Variants in NEDD4 observed in about 807,000 individuals in gnomAD.
NEDD4 encodes NEDD4 E3 ubiquitin protein ligase.
A neutral mutation model predicts 144.9 loss-of-function variants in NEDD4; 99 were observed. The observed-to-expected ratio is 0.68, with a 90% CI of 0.58 to 0.81. NEDD4 has a LOEUF of 0.81. NEDD4 is among the 30% of genes least tolerant of loss of function. NEDD4 has a pLI of 0.00. For synonymous variants in NEDD4, 318 were observed against 350.6 expected, an observed-to-expected ratio of 0.91 and a Z score of 1.04; for missense variants, 985 against 1,065.9, an observed-to-expected ratio of 0.92 and a Z score of 1.06.
intron 5 of NEDD4, among the ~76,000 whole-genome samples, chr15:55,880,343 G>A (rs1276812996): frequency 6.6e-6 from 1 of 152,006 alleles, no homozygotes; most frequent in Admixed American, 6.6e-5. Context: ...GTGCATGAAA[G>A]GGGAAAAAGA....
At chr15:55,980,068 A>G (rs4774838) in intron 1 of NEDD4, among the ~76,000 whole-genome samples, 20,516 of 151,906 alleles carry the variant, frequency 0.14, 1,524 homozygotes, top group East Asian at 0.32. Flanking sequence ...TCAGCCTCCC[A>G]AGTAGCTGGG....
chr15:55,947,935 T>C (rs1464196434), intron 4 of NEDD4, among the ~76,000 whole-genome samples: 1 of 152,134 alleles, frequency 6.6e-6, no homozygotes, highest in Non-Finnish European at 1.5e-5. Context: ...CAACATAGTG[T>C]TAGAAGTTCT....
At chr15:55,891,399 A>G (rs2035567991) in intron 5 of NEDD4, among the ~76,000 whole-genome samples, 2 of 152,234 alleles carry the variant, frequency 1.3e-5, no homozygotes, top group African/African-American at 4.8e-5. Flanking sequence ...TTTTCCATTT[A>G]CAAAGGAAAA....
chr15:55,933,323 A>G (rs1453009941), intron 4 of NEDD4, among the ~76,000 whole-genome samples: 1 of 152,134 alleles, frequency 6.6e-6, no homozygotes, highest in Non-Finnish European at 1.5e-5. Context: ...AATGTGGCAG[A>G]TATACACTGT....
At chr15:55,845,104 GA>G (rs2033685513) in intron 18 of NEDD4, among the ~76,000 whole-genome samples, 1 of 152,266 alleles carries the variant, frequency 6.6e-6, no homozygotes, top group African/African-American at 2.4e-5. Flanking sequence ...ACTAATGTGA[GA>G]ATTCATATTC....
chr15:55,951,607 AAAAAG>A lies in NEDD4; in HGVS notation c.120-23_120-19del, dbSNP rs1340960173. The A allele has an allele frequency of 8.2e-6, 12 of 1,458,244 alleles. No homozygotes were observed. Among genetic ancestry groups the A allele is most frequent in the Middle Eastern group, 2.4e-4 (1 of 4,224 alleles). 90.3% of individuals were successfully genotyped at this position (1,458,244 alleles called of 1,614,324 possible). ...AAGGATCACTGTTAAAAAAAAAAAA[AAAAAG>A]AAAGAAAAATTTTAATTATTGCTTA... On this transcript the variant is annotated intron_variant, in intron 2 of 28. Coordinates refer to ENST00000435532, the MANE Select transcript of NEDD4 (RefSeq NM_006154.4).
rs79970170 is a variant in NEDD4, at chr15:55,915,708, C to A, written c.291+8938G>T. 141 of 1,613,958 alleles carry A rather than the reference C, an allele frequency of 8.7e-5. 1 individual carries two copies. In the African/African-American group the frequency reaches 1.7e-3, roughly 20 times the overall value. On this transcript the variant is annotated intron_variant, in intron 5 of 28. Coordinates refer to ENST00000435532, the MANE Select transcript of NEDD4 (RefSeq NM_006154.4). ...TCGTTGGGTGAAATGCACTGAAACA[C>A]AAGAATATCCTTCAGATGACTTTTC...
At chr15:55,966,298 A>C (rs2037511610) in intron 2 of NEDD4, among the ~76,000 whole-genome samples, 175 bp downstream of exon 2, 1 of 152,214 alleles carries the variant, frequency 6.6e-6, no homozygotes, top group Non-Finnish European at 1.5e-5. Flanking sequence ...CTAATTTCAC[A>C]AATTTAGTAA....
At chr15:55,837,129 C>G (rs1273467451) in intron 24 of NEDD4, among the ~76,000 whole-genome samples, 3 of 151,998 alleles carry the variant, frequency 2.0e-5, no homozygotes, top group Non-Finnish European at 4.4e-5. Flanking sequence ...TAATAAATAT[C>G]TGATAAAAGA....
intron 16 of NEDD4, 30 bp downstream of exon 16, chr15:55,848,491 T>A: frequency 6.2e-7 from 1 of 1,612,980 alleles, no homozygotes; most frequent in Non-Finnish European, 8.5e-7. Context: ...TTACAAAAAA[T>A]AACATAATGA....
At chr15:55,939,037 T>A (rs1317635395) in intron 4 of NEDD4, among the ~76,000 whole-genome samples, 1 of 152,066 alleles carries the variant, frequency 6.6e-6, no homozygotes, top group Non-Finnish European at 1.5e-5. Context: ...GCCTAGAAGG[T>A]TGAGGCTGCA....
intron 7 of NEDD4, among the ~76,000 whole-genome samples, chr15:55,871,175 AAG>A (rs2034782153): frequency 6.6e-6 from 1 of 152,176 alleles, no homozygotes; most frequent in African/African-American, 2.4e-5. Flanking sequence ...CTCCATACTG[AAG>A]GAGATGTGAA....
At position 55,990,313 on chromosome 15, in the gene NEDD4, G is replaced by T. The variant is rs1394888975; in HGVS notation, c.45+3198C>A. Reference sequence around the variant, plus strand: ...ACCGGTCCCTGGTGCCAAAACAGTTGGGGACTGCAGTTCTAGAAGATCAGA... The same window carrying T: ...ACCGGTCCCTGGTGCCAAAACAGTTTGGGACTGCAGTTCTAGAAGATCAGA... On this transcript the variant is annotated intron_variant, in intron 1 of 28. Coordinates refer to ENST00000435532, the MANE Select transcript of NEDD4 (RefSeq NM_006154.4). 6.6e-5 allele frequency among the ~76,000 whole-genome samples: 10 copies of T among 152,106 alleles called. No homozygotes were observed. In the East Asian group the frequency reaches 1.9e-3, roughly 29 times the overall value.
rs917452260 is a variant in NEDD4 at position 55,886,290 on chromosome 15, T to C, written c.292-12282A>G. Among the ~76,000 whole-genome samples the C allele has an allele frequency of 2.6e-5, 4 of 152,240 alleles. 1 individual carries two copies. The highest frequency in any genetic ancestry group is 2.0e-4 in the Admixed American group (3 of 15,294). On this transcript the variant is annotated intron_variant, in intron 5 of 28. Coordinates refer to ENST00000435532, the MANE Select transcript of NEDD4 (RefSeq NM_006154.4). ...TCACACTTTCAGCATTGGACAGATATCCGGACAGAAAATCAACAAAGAAAC... is the reference window on the plus strand; with the variant it reads ...TCACACTTTCAGCATTGGACAGATACCCGGACAGAAAATCAACAAAGAAAC...
At chr15:55,959,940 G>C (rs1488907282) in intron 2 of NEDD4, among the ~76,000 whole-genome samples, 2 of 152,244 alleles carry the variant, frequency 1.3e-5, no homozygotes, top group African/African-American at 2.4e-5. Context: ...CATAATGAAT[G>C]TTAAGTTGGA....
intron 5 of NEDD4, among the ~76,000 whole-genome samples, chr15:55,890,196 G>C (rs1305963811): frequency 6.6e-6 from 1 of 151,992 alleles, no homozygotes; most frequent in African/African-American, 2.4e-5. Context: ...AATAAAAAAA[G>C]CTTTATTAAG....
chr15:55,959,719 A>C (rs2037395627), intron 2 of NEDD4, among the ~76,000 whole-genome samples: 1 of 152,202 alleles, frequency 6.6e-6, no homozygotes, highest in Non-Finnish European at 1.5e-5. Flanking sequence ...GAGCTGCTGA[A>C]TGGCAAGAAG....
At chr15:55,977,759 G>T (rs180709591) in intron 1 of NEDD4, among the ~76,000 whole-genome samples, 21 of 151,760 alleles carry the variant, frequency 1.4e-4, no homozygotes, top group Non-Finnish European at 2.5e-4. Context: ...AATTTAAAAA[G>T]ATTATCCTTT....
At chr15:55,920,234 T>C (rs1410590846) in intron 5 of NEDD4, among the ~76,000 whole-genome samples, 4 of 151,318 alleles carry the variant, frequency 2.6e-5, no homozygotes, top group Non-Finnish European at 4.4e-5. Context: ...ATAAAATATA[T>C]GAAAAATAAA....
Sources: allele counts gnomAD v4.1 joint callset (sites outside exome capture counted in the v4.1 genomes callset), GRCh38; gene constraint gnomAD v4.1.1; transcripts MANE v1.5; gene names NCBI Gene and HGNC (gene_info 2026-07-23, HGNC 2026-07-21).